Variants in NREP observed in about 807,000 individuals in gnomAD.
NREP encodes neuronal regeneration-related protein.
Under a neutral mutation model 8.6 loss-of-function variants are expected in NREP, and 5 were observed. That is an observed-to-expected ratio of 0.58 (90% CI 0.30 to 1.22). NREP has a LOEUF of 1.22. Among genes scored for constraint, NREP ranks in the 50% most tolerant of loss-of-function variants. NREP has a pLI of 0.07. For missense variants in NREP, 86 were observed against 82.5 expected, an observed-to-expected ratio of 1.04 and a Z score of -0.17; for synonymous variants, 27 against 28.0, an observed-to-expected ratio of 0.96 and a Z score of 0.11.
At chr5:111,895,472 C>T (rs1007065973) in intron 2 of NREP, among the ~76,000 whole-genome samples, 1 of 151,980 alleles carries the variant, frequency 6.6e-6, no homozygotes, top group Non-Finnish European at 1.5e-5. Context: ...AAAAATTAAG[C>T]AGGTTATATG....
chr5:111,884,263 G>T (rs1199017049), intron 2 of NREP, among the ~76,000 whole-genome samples: 1 of 151,348 alleles, frequency 6.6e-6, no homozygotes, highest in Non-Finnish European at 1.5e-5. Context: ...ACTCTCCCAA[G>T]ACTAAACCAG....
intron 2 of NREP, chr5:111,846,033 C>G (rs1753154325): frequency 1.3e-5 from 2 of 155,250 alleles, no homozygotes; most frequent in South Asian, 4.0e-4. Flanking sequence ...GTCAAAGTCT[C>G]CCGTAAGTCA....
intron 2 of NREP, among the ~76,000 whole-genome samples, chr5:111,850,216 A>C (rs1237213842): frequency 1.3e-5 from 2 of 151,986 alleles, no homozygotes; most frequent in African/African-American, 4.8e-5. Flanking sequence ...CTATAACTTC[A>C]TCCTTTAGCT....
intron 2 of NREP, among the ~76,000 whole-genome samples, chr5:111,767,473 ACT>A (rs1751112626): frequency 6.6e-6 from 1 of 151,996 alleles, no homozygotes; most frequent in Non-Finnish European, 1.5e-5. Flanking sequence ...AGCATCATAA[ACT>A]CAGCTAATCC....
At chr5:111,884,102 G>C (rs926143801) in intron 2 of NREP, among the ~76,000 whole-genome samples, 1 of 152,060 alleles carries the variant, frequency 6.6e-6, no homozygotes, top group Non-Finnish European at 1.5e-5. Flanking sequence ...AGAAAAGAGA[G>C]AAGAATCAAA....
chr5:111,874,067 T>C (rs1752113324), intron 2 of NREP, among the ~76,000 whole-genome samples: 1 of 152,146 alleles, frequency 6.6e-6, no homozygotes, highest in Non-Finnish European at 1.5e-5. Context: ...AAGGAAGTTG[T>C]TGATAGGGAG....
At chr5:111,880,363 C>T (rs1754022485) in intron 2 of NREP, among the ~76,000 whole-genome samples, 1 of 152,162 alleles carries the variant, frequency 6.6e-6, no homozygotes. Context: ...GTGGCTTAAA[C>T]AATAGAAATA....
Position 111,880,568 on chromosome 5 carries a change from C to T in NREP, c.135+94706G>A, listed in dbSNP as rs537731533. Among the ~76,000 whole-genome samples, 5 of 152,172 alleles carry T rather than the reference C, an allele frequency of 3.3e-5. 1 individual carries two copies. In the South Asian group the frequency reaches 8.3e-4, roughly 25 times the overall value. ...TCCAAATCTTCTCTTTTTATAAGAA[C>T]ATCAGTCATATTGGATTAGGGACCA... On this transcript the variant is annotated intron_variant, in intron 2 of 3. Transcript: ENST00000395634.
At chr5:111,851,309 C>T (rs551403351) in intron 2 of NREP, among the ~76,000 whole-genome samples, 5 of 152,270 alleles carry the variant, frequency 3.3e-5, no homozygotes, top group South Asian at 2.1e-4. Context: ...ATTTTTATGA[C>T]GTAGTCAAGC....
intron 2 of NREP, among the ~76,000 whole-genome samples, chr5:111,750,875 T>C (rs1479200872): frequency 6.6e-6 from 1 of 152,202 alleles, no homozygotes; most frequent in Non-Finnish European, 1.5e-5. Flanking sequence ...GGTTAGCCAT[T>C]GCAAGTCACG....
intron 2 of NREP, 62 bp from the exon 3 acceptor site, chr5:111,735,569 G>T: frequency 8.2e-7 from 1 of 1,214,054 alleles, no homozygotes. Flanking sequence ...GAAACTACAC[G>T]GGATAACCTT....
chr5:111,889,350 C>T (rs187629597), intron 2 of NREP, among the ~76,000 whole-genome samples: 3 of 152,294 alleles, frequency 2.0e-5, no homozygotes, highest in Admixed American at 1.3e-4. Context: ...AAAGACATTA[C>T]CAAGAAGGTG....
intron 2 of NREP, among the ~76,000 whole-genome samples, chr5:111,749,067 G>A (rs1367829176): frequency 6.6e-6 from 1 of 152,048 alleles, no homozygotes; most frequent in Non-Finnish European, 1.5e-5. Flanking sequence ...ACAGAAAGAG[G>A]GAATCCTGGG....
intron 2 of NREP, among the ~76,000 whole-genome samples, chr5:111,925,348 C>T (rs2112587856): frequency 6.6e-6 from 1 of 152,212 alleles, no homozygotes; most frequent in African/African-American, 2.4e-5. Flanking sequence ...TTCTTACTGC[C>T]AGGACAGTCC....
At chr5:111,792,781 C>A (rs1285009729) in intron 2 of NREP, among the ~76,000 whole-genome samples, 1 of 152,094 alleles carries the variant, frequency 6.6e-6, no homozygotes, top group Non-Finnish European at 1.5e-5. Flanking sequence ...ATTAAATGAA[C>A]AAACAAAATT....
chr5:111,876,394 G>A (rs1753910114), intron 2 of NREP, among the ~76,000 whole-genome samples: 1 of 152,064 alleles, frequency 6.6e-6, no homozygotes, highest in South Asian at 2.1e-4. Flanking sequence ...AACTTCATTG[G>A]CCATTAGTGA....
chr5:111,926,555 G>T (rs558048138), intron 2 of NREP, among the ~76,000 whole-genome samples: 2 of 152,170 alleles, frequency 1.3e-5, no homozygotes, highest in South Asian at 4.1e-4. Flanking sequence ...TAGAAGGTCA[G>T]GTTTGTCTGT....
At chr5:111,880,174 ACCT>A in intron 2 of NREP, among the ~76,000 whole-genome samples, 1 of 151,564 alleles carries the variant, frequency 6.6e-6, no homozygotes, top group Non-Finnish European at 1.5e-5. Flanking sequence ...TTTTTTTTTC[ACCT>A]CTCTCTGTTT....
intron 2 of NREP, among the ~76,000 whole-genome samples, chr5:111,869,171 T>C (rs1354524714): frequency 6.6e-6 from 1 of 152,162 alleles, no homozygotes; most frequent in African/African-American, 2.4e-5. Flanking sequence ...CTCATACAGA[T>C]ATAGAAGTAG....
Sources: allele counts gnomAD v4.1 joint callset (sites outside exome capture counted in the v4.1 genomes callset), GRCh38; gene constraint gnomAD v4.1.1; transcripts MANE v1.5; gene names NCBI Gene and HGNC (gene_info 2026-07-23, HGNC 2026-07-21).